NCKAP1L: variants seen among roughly 807,000 people sequenced by gnomAD.
NCKAP1L encodes NCK associated protein 1 like, also known as nck-associated protein 1-like.
Under a neutral mutation model 139.2 loss-of-function variants are expected in NCKAP1L, and 53 were observed. That is an observed-to-expected ratio of 0.38 (90% CI 0.31 to 0.48). The LOEUF (loss-of-function observed/expected upper bound fraction) is 0.48. Ranked by LOEUF, NCKAP1L falls within the 20% of genes least tolerant of loss-of-function variation. The pLI is 0.98. For missense variants in NCKAP1L, 1,151 were observed against 1,381.9 expected (o/e 0.83, Z 2.65); for synonymous variants, 468 against 499.7 (o/e 0.94, Z 0.85).
intron 16 of NCKAP1L, 43 bp downstream of exon 16, chr12:54,519,375 T>C: frequency 7.2e-7 from 1 of 1,384,418 alleles, no homozygotes; most frequent in Middle Eastern, 1.9e-4. Flanking sequence ...TTTTATTGTT[T>C]CCTTTTTTCA....
At chr12:54,509,819 G>T (rs369907658) in intron 6 of NCKAP1L, 29 bp from the exon 7 acceptor site, 1 of 1,614,100 alleles carries the variant, frequency 6.2e-7, no homozygotes. Context: ...CATGATTGCC[G>T]CTAAGGTTTC....
At position 54,520,857 on chromosome 12, in the gene NCKAP1L, C is replaced by G. The variant is rs1956976834; in HGVS notation, c.1758+31C>G. On this transcript the variant is annotated intron_variant, in intron 17 of 30. Transcript: ENST00000293373. ...TATCCTGATCTCCAGACCCTGTCATCTTTCTAGTCATCATCCTTATCACCC... is the reference window on the plus strand; with the variant it reads ...TATCCTGATCTCCAGACCCTGTCATGTTTCTAGTCATCATCCTTATCACCC... The G allele has an allele frequency of 1.9e-6, 3 of 1,613,712 alleles. No homozygotes were observed. The South Asian group carries it at 3.3e-5, about 18-fold the overall frequency.
intron 7 of NCKAP1L, 141 bp from the exon 8 acceptor site, chr12:54,511,662 C>A: frequency 3.8e-6 from 3 of 792,064 alleles, no homozygotes; most frequent in South Asian, 3.5e-5. Flanking sequence ...CTGCCCCTGC[C>A]TCCTAAAGTG....
At position 54,535,198 on chromosome 12, in the gene NCKAP1L, G is replaced by C; in HGVS notation, c.2956+1G>C. ...GCTGCCATTGCTAATCTGAAAGCTGGTAAGATTGGGGAAAGGGGGCGAGAT... is the reference window on the plus strand; with the variant it reads ...GCTGCCATTGCTAATCTGAAAGCTGCTAAGATTGGGGAAAGGGGGCGAGAT... On this transcript the variant is annotated splice_donor_variant, in intron 27 of 30. Transcript: ENST00000293373. LOFTEE classifies it high-confidence loss of function. 6.2e-7 allele frequency: 1 copy of C among 1,612,600 alleles called. No individual in the cohort carries two copies. The highest frequency in any genetic ancestry group is 8.5e-7 in the Non-Finnish European group (1 of 1,178,850).
At chr12:54,514,975 A>T (rs1282830500) in intron 9 of NCKAP1L, among the ~76,000 whole-genome samples, 2 of 152,224 alleles carry the variant, frequency 1.3e-5, no homozygotes, top group African/African-American at 4.8e-5. Flanking sequence ...AACTTGTGTG[A>T]TTTATAGTTT....
chr12:54,520,560 T>C, intron 16 of NCKAP1L, 134 bp from the exon 17 acceptor site: 1 of 888,302 alleles, frequency 1.1e-6, no homozygotes, highest in Non-Finnish European at 1.8e-6. Flanking sequence ...TAAATGTTTT[T>C]TGAAAGAATG....
At position 54,503,382 on chromosome 12, in the gene NCKAP1L, G is replaced by A. The variant is rs140696199; in HGVS notation, c.306+2757G>A. On this transcript the variant is annotated intron_variant, in intron 3 of 30. Coordinates refer to ENST00000293373, the MANE Select transcript of NCKAP1L (RefSeq NM_005337.5). ...TATTAAAATTTTAAAAATTAATGTC[G>A]TAATTTTACATTTAGAAATTTGTCA... is the stretch of plus-strand genomic sequence containing the variant. Among the ~76,000 whole-genome samples the A allele has an allele frequency of 4.0e-3, 608 of 151,828 alleles. 3 individuals are homozygous for A. Among genetic ancestry groups the A allele is most frequent in the African/African-American group, 0.014 (579 of 41,430 alleles).
intron 1 of NCKAP1L, chr12:54,498,846 C>T (rs1163546380): frequency 1.7e-5 from 17 of 983,450 alleles, no homozygotes; most frequent in Non-Finnish European, 1.8e-5. Flanking sequence ...GTTGTTATTT[C>T]GCTCTTAGAT....
In NCKAP1L at chr12:54,545,029, A is replaced by T. The variant is rs1255995985; in HGVS notation, c.*2344A>T. 2 of 152,172 alleles carry T rather than the reference A, an allele frequency of 1.3e-5. No homozygotes were observed. Among genetic ancestry groups the T allele is most frequent in the East Asian group, 3.8e-4 (2 of 5,198 alleles). 9.4% of individuals were successfully genotyped at this position (152,172 alleles called of 1,614,324 possible). On this transcript the variant is annotated 3_prime_UTR_variant, in exon 31 of 31. Transcript: ENST00000293373. ...TAAATAATAATTTAAAAAAAGATAC[A>T]GAACAGTTCCATCACCACAAGGATC... is the stretch of plus-strand genomic sequence containing the variant.
intron 1 of NCKAP1L, chr12:54,498,907 A>ATT (rs1192414578): frequency 5.9e-5 from 23 of 393,006 alleles, no homozygotes; most frequent in African/African-American, 1.2e-4. Context: ...TATGCTTTTT[A>ATT]TTTTTATATT....
chr12:54,500,570 T>TTAA lies in NCKAP1L; in HGVS notation c.251_252insTAA (p.Ile84_Ile85insLys). ...CCAGTACATCGTGAAAAAGCCGAGA[T>TTAA]AATTAGATTCCTCACCAACTACTAC... On this transcript the variant is annotated inframe_insertion, in exon 3 of 31. Coordinates refer to ENST00000293373, the MANE Select transcript of NCKAP1L (RefSeq NM_005337.5). 1 of 1,613,876 alleles carries TTAA rather than the reference T, an allele frequency of 6.2e-7. No homozygotes were observed. Among genetic ancestry groups the TTAA allele is most frequent in the Non-Finnish European group, 8.5e-7 (1 of 1,179,728 alleles).
chr12:54,521,989 A>C (rs1475017341), intron 18 of NCKAP1L, among the ~76,000 whole-genome samples: 2 of 152,246 alleles, frequency 1.3e-5, no homozygotes, highest in African/African-American at 4.8e-5. Context: ...TGGGGATAAA[A>C]ATAGTTTCTT....
intron 30 of NCKAP1L, among the ~76,000 whole-genome samples, chr12:54,539,606 A>C: frequency 6.6e-6 from 1 of 152,260 alleles, no homozygotes. Flanking sequence ...TTCCCTCTTC[A>C]ACACTCTTAC....
chr12:54,508,571 A>G (rs376833947), intron 5 of NCKAP1L, 40 bp downstream of exon 5: 1 of 1,603,352 alleles, frequency 6.2e-7, no homozygotes, highest in Non-Finnish European at 8.5e-7. Flanking sequence ...AGTCTCATAC[A>G]TGGTGCTATG....
intron 27 of NCKAP1L, among the ~76,000 whole-genome samples, chr12:54,535,403 A>T (rs1957107020): frequency 6.6e-6 from 1 of 152,220 alleles, no homozygotes; most frequent in Admixed American, 6.5e-5. Flanking sequence ...GTTGATCTAC[A>T]TCCTCAGGTT....
At chr12:54,506,800 T>TATATAC (rs1396768838) in intron 3 of NCKAP1L, among the ~76,000 whole-genome samples, 2 of 85,004 alleles carry the variant, frequency 2.4e-5, no homozygotes, top group Non-Finnish European at 4.7e-5. Flanking sequence ...AAAAAAAATA[T>TATATAC]ATATATATAT....
chr12:54,531,438 T>C lies in NCKAP1L; in HGVS notation c.2605-53T>C, dbSNP rs542608687. Reference sequence around the variant, plus strand: ...GTATAGGAGACTGGGGGGGAAGATGTAACATTGGTCTCTTCTTTTCCTGCT... The same window carrying C: ...GTATAGGAGACTGGGGGGGAAGATGCAACATTGGTCTCTTCTTTTCCTGCT... On this transcript the variant is annotated intron_variant, in intron 23 of 30. Coordinates refer to ENST00000293373, the MANE Select transcript of NCKAP1L (RefSeq NM_005337.5). 1.1e-5 allele frequency: 18 copies of C among 1,607,334 alleles called. No homozygotes were observed. In the South Asian group the frequency reaches 1.5e-4, roughly 14 times the overall value.
intron 18 of NCKAP1L, among the ~76,000 whole-genome samples, chr12:54,521,512 T>A (rs1359209650): frequency 6.6e-6 from 1 of 152,242 alleles, no homozygotes; most frequent in East Asian, 1.9e-4. Flanking sequence ...TGAAGAGTTC[T>A]GAGAGATGAG....
chr12:54,525,770 C>A (rs1957021006), intron 20 of NCKAP1L, among the ~76,000 whole-genome samples: 1 of 152,080 alleles, frequency 6.6e-6, no homozygotes, highest in African/African-American at 2.4e-5. Context: ...TGCCAAAAAA[C>A]ACAAAACAAA....
Sources: gnomAD v4.1 joint callset for allele counts (sites outside exome capture counted in the v4.1 genomes callset) on GRCh38, gnomAD v4.1.1 for gene constraint, MANE v1.5 for transcripts, NCBI Gene and HGNC (gene_info 2026-07-23, HGNC 2026-07-21) for gene names.